The following TMED3 variants were observed in gnomAD, a reference collection of about 807,000 sequenced individuals.
The protein encoded by TMED3 is transmembrane emp24 domain-containing protein 3.
Under a neutral mutation model 15.0 loss-of-function variants are expected in TMED3, and 9 were observed. That is an observed-to-expected ratio of 0.60 (90% CI 0.36 to 1.04). TMED3 has a LOEUF of 1.04. Among genes scored for constraint, TMED3 ranks in the 50% least tolerant of loss-of-function variants. TMED3 has a pLI of 0.01. For missense variants in TMED3, 267 were observed against 278.9 expected (o/e 0.96, Z 0.30); for synonymous variants, 117 against 121.4 (o/e 0.96, Z 0.24).
At chr15:79,404,416 A>G (rs934399231) in intron 2 of TMED3, among the ~76,000 whole-genome samples, 5 of 152,212 alleles carry the variant, frequency 3.3e-5, no homozygotes, top group African/African-American at 7.2e-5. Flanking sequence ...CATTTGTAGC[A>G]TCCTCCCTTG....
intron 1 of TMED3, 128 bp from the exon 2 acceptor site, chr15:79,313,629 C>T (rs746064500): frequency 1.3e-5 from 17 of 1,268,936 alleles, no homozygotes; most frequent in Non-Finnish European, 1.6e-5. Context: ...AGTGGCGTAG[C>T]ACCTGCCTTA....
At chr15:79,402,150 C>G (rs1304536409) in intron 2 of TMED3, among the ~76,000 whole-genome samples, 2 of 152,062 alleles carry the variant, frequency 1.3e-5, no homozygotes, top group South Asian at 4.2e-4. Flanking sequence ...TGGAGGTGGT[C>G]GCTGCTGAGG....
intron 2 of TMED3, among the ~76,000 whole-genome samples, chr15:79,342,516 A>G (rs1216122053): frequency 6.6e-6 from 1 of 152,228 alleles, no homozygotes; most frequent in Admixed American, 6.5e-5. Flanking sequence ...AAAATCTTTG[A>G]AAATAATATT....
chr15:79,368,004 A>T lies in TMED3; in HGVS notation c.418-43396A>T, dbSNP rs1893269184. On this transcript the variant is annotated intron_variant, in intron 2 of 2. Transcript: ENST00000424155. ...GAATAGTGGTCAGAGCTCAGTCCTC[A>T]GCTCCCCATTGCCTGGGGTCTCAGT... Among the ~76,000 whole-genome samples, 3 of 152,182 alleles carry T rather than the reference A, an allele frequency of 2.0e-5. No individual in the cohort carries two copies. In the South Asian group the frequency reaches 6.2e-4, roughly 32 times the overall value.
chr15:79,313,990 C>T lies in TMED3; in HGVS notation c.402C>T (p.Val134=). ...TTCTCCCAGACATGGGGAACAGGGT[C>T]ACAGCTCTCACCCAGGTGAGTGAAC... The part of the protein sequence containing the change: ...PPILPDMGNR[V]TALTQMESAC... Residue 134 remains valine (V), a synonymous_variant, in exon 2 of 3, where the codon GTC becomes GTT. Coordinates refer to ENST00000299705, the MANE Select transcript of TMED3 (RefSeq NM_007364.4). 1 of 1,614,168 alleles carries T rather than the reference C, an allele frequency of 6.2e-7. No homozygotes were observed. Among genetic ancestry groups the T allele is most frequent in the Non-Finnish European group, 8.5e-7 (1 of 1,180,026 alleles).
chr15:79,399,554 A>G (rs1893807693), intron 2 of TMED3, among the ~76,000 whole-genome samples: 1 of 152,152 alleles, frequency 6.6e-6, no homozygotes, highest in African/African-American at 2.4e-5. Context: ...GTGAGCTAGA[A>G]TGGTGGTCAG....
chr15:79,352,671 A>AT (rs1189229850), intron 2 of TMED3, among the ~76,000 whole-genome samples: 1 of 129,512 alleles, frequency 7.7e-6, no homozygotes, highest in Non-Finnish European at 1.6e-5. Flanking sequence ...TAAGAAAAAA[A>AT]AAATATATAT....
At chr15:79,353,559 C>T (rs1166736152) in intron 2 of TMED3, among the ~76,000 whole-genome samples, 1 of 123,878 alleles carries the variant, frequency 8.1e-6, no homozygotes, top group Non-Finnish European at 1.6e-5. Flanking sequence ...AGATTTTAAC[C>T]ACTGGGGGTT....
At chr15:79,408,683 A>G (rs12913470) in intron 2 of TMED3, among the ~76,000 whole-genome samples, 133,150 of 152,118 alleles carry the variant, frequency 0.88, 58,698 homozygotes, top group South Asian at 0.94. Context: ...GGGATGGTCA[A>G]TTCTGTGCTG....
chr15:79,403,693 C>G (rs928170609), intron 2 of TMED3, among the ~76,000 whole-genome samples: 10 of 152,226 alleles, frequency 6.6e-5, no homozygotes, highest in Non-Finnish European at 1.5e-5. Context: ...GTAGTCATAG[C>G]TGCAGTTCAG....
chr15:79,335,993 T>C (rs62025972), intron 2 of TMED3, among the ~76,000 whole-genome samples: 40,192 of 152,144 alleles, frequency 0.26, 5,649 homozygotes, highest in East Asian at 0.52. Flanking sequence ...ACAGAGAATT[T>C]AATCTTTTCC....
At chr15:79,367,121 G>A (rs1017719125) in intron 2 of TMED3, among the ~76,000 whole-genome samples, 7 of 152,028 alleles carry the variant, frequency 4.6e-5, no homozygotes, top group African/African-American at 1.2e-4. Flanking sequence ...CTTCTTTCCG[G>A]GTGAAGGATT....
intron 2 of TMED3, among the ~76,000 whole-genome samples, chr15:79,353,904 A>G (rs1227129241): frequency 6.6e-6 from 1 of 152,046 alleles, no homozygotes; most frequent in African/African-American, 2.4e-5. Context: ...TCTCAGGGAG[A>G]ACCAAGTGAC....
intron 2 of TMED3, among the ~76,000 whole-genome samples, chr15:79,382,520 T>C (rs1035545283): frequency 6.6e-6 from 1 of 152,324 alleles, no homozygotes; most frequent in East Asian, 1.9e-4. Flanking sequence ...GGAGAGGTCA[T>C]TCTTCCAGTG....
intron 2 of TMED3, among the ~76,000 whole-genome samples, chr15:79,405,296 A>G (rs1893888399): frequency 6.6e-6 from 1 of 152,178 alleles, no homozygotes. Flanking sequence ...CAGAGAATCC[A>G]CAGAGCATCC....
At chr15:79,372,254 C>A (rs1893353463) in intron 2 of TMED3, among the ~76,000 whole-genome samples, 1 of 152,112 alleles carries the variant, frequency 6.6e-6, no homozygotes, top group East Asian at 1.9e-4. Context: ...ATGTCTTTGC[C>A]AGGGTGGAGA....
At chr15:79,328,419 A>G (rs2058795261) in intron 2 of TMED3, among the ~76,000 whole-genome samples, 1 of 152,234 alleles carries the variant, frequency 6.6e-6, no homozygotes, top group Non-Finnish European at 1.5e-5. Context: ...AAATTTATCT[A>G]TTCCCCTGAC....
At chr15:79,397,077 T>C (rs1055603760) in intron 2 of TMED3, among the ~76,000 whole-genome samples, 2 of 152,252 alleles carry the variant, frequency 1.3e-5, no homozygotes, top group African/African-American at 4.8e-5. Context: ...AAAGAATTTG[T>C]GGTCAGGTTT....
intron 2 of TMED3, among the ~76,000 whole-genome samples, chr15:79,388,777 A>G (rs1893660225): frequency 6.6e-6 from 1 of 152,166 alleles, no homozygotes; most frequent in Admixed American, 6.5e-5. Context: ...TGTTTAGATT[A>G]TGGCCATTCT....
Sources: allele counts gnomAD v4.1 joint callset (sites outside exome capture counted in the v4.1 genomes callset), GRCh38; gene constraint gnomAD v4.1.1; transcripts MANE v1.5; gene names NCBI Gene and HGNC (gene_info 2026-07-23, HGNC 2026-07-21).